Variants in MAD1L1 observed in about 807,000 individuals in gnomAD.
MAD1L1 encodes the protein mitotic arrest deficient 1 like 1.
A neutral mutation model predicts 96.9 loss-of-function variants in MAD1L1; 95 were observed. The ratio of observed to expected loss-of-function variants is 0.98; its 90% confidence interval spans 0.83 to 1.16. MAD1L1 has a LOEUF of 1.16. Ranked by LOEUF, MAD1L1 falls within the 50% of genes most tolerant of loss-of-function variation. The pLI, the probability that MAD1L1 is intolerant of heterozygous loss-of-function variation, is 0.00. For missense variants in MAD1L1, 1,007 were observed against 954.4 expected (o/e 1.06, Z -0.73); for synonymous variants, 473 against 396.6 (o/e 1.19, Z -2.29).
At chr7:2,024,350 C>T (rs1782909063) in intron 12 of MAD1L1, among the ~76,000 whole-genome samples, 1 of 152,206 alleles carries the variant, frequency 6.6e-6, no homozygotes, top group African/African-American at 2.4e-5. Context: ...CTGCCCACCC[C>T]CAGCTCCCTT....
At chr7:1,873,882 G>C (rs1028297983) in intron 18 of MAD1L1, among the ~76,000 whole-genome samples, 2 of 152,182 alleles carry the variant, frequency 1.3e-5, no homozygotes, top group Non-Finnish European at 2.9e-5. Context: ...GGCTGAACGA[G>C]AATGGATGCT....
chr7:1,825,485 G>A (rs1388081732), intron 18 of MAD1L1, among the ~76,000 whole-genome samples: 5 of 152,266 alleles, frequency 3.3e-5, no homozygotes, highest in South Asian at 2.1e-4. Context: ...AGCAGAGTCC[G>A]CTGAGGCTAC....
At chr7:1,826,648 C>T (rs1042462066) in intron 18 of MAD1L1, among the ~76,000 whole-genome samples, 3 of 152,250 alleles carry the variant, frequency 2.0e-5, no homozygotes, top group African/African-American at 7.2e-5. Context: ...GATGCTGCCG[C>T]GTGAGCACCG....
At chr7:2,087,323 T>A (rs1785969211) in intron 11 of MAD1L1, among the ~76,000 whole-genome samples, 1 of 152,156 alleles carries the variant, frequency 6.6e-6, no homozygotes, top group Non-Finnish European at 1.5e-5. Context: ...ACAGATCACT[T>A]GAGGTCAGGA....
intron 12 of MAD1L1, among the ~76,000 whole-genome samples, chr7:2,046,074 A>C (rs1783905110): frequency 6.6e-6 from 1 of 152,078 alleles, no homozygotes; most frequent in African/African-American, 2.4e-5. Context: ...GGCTGCCTCT[A>C]GGGAGTCAAG....
chr7:2,219,577 G>A lies in MAD1L1; in HGVS notation c.472-121C>T, dbSNP rs866638423. On this transcript the variant is annotated intron_variant, in intron 5 of 18. Coordinates refer to ENST00000265854, the MANE Select transcript of MAD1L1 (RefSeq NM_001013836.2). The stretch of plus-strand genomic sequence containing the variant: ...CACCCACGTGCTATAATCAGGGCAG[G>A]AGGCAGAGGGGCAGAGGAATAAGGG... 1.1e-5 allele frequency: 11 copies of A among 1,043,606 alleles called. No homozygotes were observed. The South Asian group carries it at 1.6e-4, about 15-fold the overall frequency. 64.6% of individuals were successfully genotyped at this position (1,043,606 alleles called of 1,614,324 possible). A position where few individuals can be genotyped will look rare whatever the true frequency, so the allele number is the denominator to read the frequency against.
chr7:2,052,821 G>A (rs964814099), intron 12 of MAD1L1, among the ~76,000 whole-genome samples: 3 of 152,134 alleles, frequency 2.0e-5, no homozygotes, highest in Non-Finnish European at 2.9e-5. Context: ...CAGAGGAACC[G>A]GGAGGGAGCT....
chr7:2,205,463 C>G (rs1377921621), intron 10 of MAD1L1, among the ~76,000 whole-genome samples: 1 of 152,152 alleles, frequency 6.6e-6, no homozygotes, highest in Non-Finnish European at 1.5e-5. Context: ...GGACTTGTGA[C>G]CCCATCTCCC....
chr7:2,008,839 A>G (rs1325717759), intron 13 of MAD1L1, among the ~76,000 whole-genome samples: 1 of 151,644 alleles, frequency 6.6e-6, no homozygotes, highest in Non-Finnish European at 1.5e-5. Context: ...CTCAGGTGGG[A>G]AGGAACACGG....
intron 14 of MAD1L1, 96 bp from the exon 15 acceptor site, chr7:1,980,637 AC>A (rs1443664486): frequency 2.1e-6 from 2 of 956,366 alleles, no homozygotes; most frequent in Non-Finnish European, 1.7e-6. Flanking sequence ...CCCTGGCAGC[AC>A]CCCCGCCCTG....
chr7:2,014,731 G>A (rs956927279), intron 12 of MAD1L1, 89 bp from the exon 13 acceptor site: 1 of 1,415,866 alleles, frequency 7.1e-7, no homozygotes, highest in African/African-American at 1.4e-5. Context: ...ACGAGAGCTG[G>A]GTCACGCGGG....
At chr7:1,927,354 G>C (rs1449437411) in intron 17 of MAD1L1, among the ~76,000 whole-genome samples, 3 of 152,214 alleles carry the variant, frequency 2.0e-5, no homozygotes, top group East Asian at 1.9e-4. Flanking sequence ...AATCTGAGCA[G>C]GCGTTTTGCA....
intron 10 of MAD1L1, among the ~76,000 whole-genome samples, chr7:2,185,199 A>G (rs770785992): frequency 2.6e-5 from 2 of 75,826 alleles, no homozygotes; most frequent in Non-Finnish European, 5.0e-5. Context: ...TAGATCCCAC[A>G]CTCTCTTGCC....
At chr7:1,849,808 C>CAGCGGCAGCGGA (rs1454262908) in intron 18 of MAD1L1, 1 of 152,210 alleles carries the variant, frequency 6.6e-6, no homozygotes, top group African/African-American at 2.4e-5. Flanking sequence ...GTGGCAGCGG[C>CAGCGGCAGCGGA]AGCGGAAGCA....
intron 11 of MAD1L1, among the ~76,000 whole-genome samples, chr7:2,076,475 G>A (rs1349780737): frequency 1.3e-5 from 2 of 152,244 alleles, no homozygotes; most frequent in East Asian, 3.8e-4. Flanking sequence ...ACAGCTGTGA[G>A]AAACGGACGT....
At chr7:2,024,890 T>A (rs1221534706) in intron 12 of MAD1L1, among the ~76,000 whole-genome samples, 1 of 152,222 alleles carries the variant, frequency 6.6e-6, no homozygotes, top group African/African-American at 2.4e-5. Flanking sequence ...TGAGAAATGA[T>A]ACCAATTCTC....
chr7:2,222,657 C>T lies in MAD1L1; in HGVS notation c.389G>A (p.Arg130His), dbSNP rs201217913. The T allele has an allele frequency of 1.0e-4, 163 of 1,613,198 alleles. No homozygotes were observed. The African/African-American group carries it at 1.8e-3, about 18-fold the overall frequency. Residue 130 changes from arginine to histidine, a missense_variant, in exon 5 of 19, where the codon CGC becomes CAC. By Grantham distance (29) the Arg-to-His change is conservative. Transcript: ENST00000265854. The stretch of plus-strand genomic sequence containing the variant: ...CAAGTTCTGCTGACACTGCCTGTTG[C>T]GCTCCAGCTGCTCCTGCATCTTCTC... ...AEEKMQEQLE[R>H]NRQCQQNLDA...
intron 14 of MAD1L1, among the ~76,000 whole-genome samples, chr7:1,998,750 G>T (rs1386639940): frequency 2.6e-5 from 2 of 75,480 alleles, no homozygotes; most frequent in Admixed American, 3.5e-4. Flanking sequence ...CCCCCGCCAA[G>T]CCCCCACACA....
chr7:1,927,915 T>A (rs116383359), intron 17 of MAD1L1, among the ~76,000 whole-genome samples: 195 of 152,240 alleles, frequency 1.3e-3, no homozygotes, highest in African/African-American at 4.3e-3. Context: ...ATCAGCTATA[T>A]ACTCAACTTG....
Sources: allele counts gnomAD v4.1 joint callset (sites outside exome capture counted in the v4.1 genomes callset), GRCh38; gene constraint gnomAD v4.1.1; transcripts MANE v1.5; gene names NCBI Gene and HGNC (gene_info 2026-07-23, HGNC 2026-07-21).